PES1: variants seen among roughly 807,000 people sequenced by gnomAD.
PES1 encodes the protein pescadillo ribosomal biogenesis factor 1, also known as pescadillo homolog.
A neutral mutation model predicts 77.1 loss-of-function variants in PES1; 31 were observed. The observed-to-expected ratio is 0.40, with a 90% CI of 0.30 to 0.54. The LOEUF (loss-of-function observed/expected upper bound fraction) is 0.54. Ranked by LOEUF, PES1 falls within the 20% of genes least tolerant of loss-of-function variation. PES1 has a pLI of 0.45. For synonymous variants in PES1, 282 were observed against 303.0 expected (o/e 0.93, Z 0.72); for missense variants, 658 against 771.7 (o/e 0.85, Z 1.75).
intron 4 of PES1, chr22:30,585,075 C>T (rs1341492628): frequency 5.2e-6 from 2 of 384,084 alleles, no homozygotes; most frequent in Admixed American, 3.6e-5. Flanking sequence ...AGTGCACAGA[C>T]ACTCTACAGG....
intron 6 of PES1, 37 bp downstream of exon 6, chr22:30,584,328 C>G: frequency 4.8e-6 from 7 of 1,464,320 alleles, no homozygotes; most frequent in Non-Finnish European, 6.6e-6. Context: ...GTCTAGGAGG[C>G]AGCACAAGCC....
upstream of PES1, among the ~76,000 whole-genome samples, chr22:30,594,257 C>T (rs1176024597): frequency 3.9e-5 from 6 of 152,202 alleles, no homozygotes; most frequent in African/African-American, 7.2e-5. Context: ...TGGTGACACA[C>T]GCCTGTAATC....
At chr22:30,604,235 A>C (rs1290449077) in intron 2 of PES1, 1 of 152,256 alleles carries the variant, frequency 6.6e-6, no homozygotes, top group Non-Finnish European at 1.5e-5. Context: ...GATATCAAAC[A>C]GCAAATTTCT....
intron 2 of PES1, among the ~76,000 whole-genome samples, chr22:30,600,320 C>T (rs2146495685): frequency 6.6e-6 from 1 of 152,292 alleles, no homozygotes; most frequent in East Asian, 1.9e-4. Context: ...AGCCTCTCGG[C>T]TCCTTCAGAC....
At chr22:30,598,835 A>G (rs1253701446) in intron 2 of PES1, among the ~76,000 whole-genome samples, 1 of 151,416 alleles carries the variant, frequency 6.6e-6, no homozygotes. Context: ...AAATACTCGT[A>G]AATTAAGAAA....
At chr22:30,583,224 AG>A (rs2087013812) in intron 6 of PES1, among the ~76,000 whole-genome samples, 1 of 152,170 alleles carries the variant, frequency 6.6e-6, no homozygotes, top group African/African-American at 2.4e-5. Context: ...CACGTGCCCC[AG>A]GGGGAGAGGG....
chr22:30,581,684 G>A (rs2086991188), intron 6 of PES1, 40 bp from the exon 7 acceptor site: 1 of 1,396,796 alleles, frequency 7.2e-7, no homozygotes, highest in Non-Finnish European at 1.0e-6. Flanking sequence ...GTGGGTGCAG[G>A]GATGGGGGCA....
chr22:30,598,885 ATTTTTTTTT>A lies in PES1; in HGVS notation c.-660-6496_-660-6488del, dbSNP rs71200084. ...TTCAAGTTTATGTGACTTAAGTAAAATTTTTTTTTTTTTTTTTTTTTTTTTTTTTGAGAT... is the reference window on the plus strand; with the variant it reads ...TTCAAGTTTATGTGACTTAAGTAAAATTTTTTTTTTTTTTTTTTTTGAGAT... On this transcript the variant is annotated intron_variant, in intron 2 of 16. Transcript: ENST00000402281. Among the ~76,000 whole-genome samples, 209 of 51,216 alleles carry A rather than the reference ATTTTTTTTT, an allele frequency of 4.1e-3. 6 individuals carry two copies. The Middle Eastern group carries it at 0.091, about 22-fold the overall frequency. The allele number at this position is 51,216 out of a possible 152,430, so 33.6% of individuals were successfully genotyped here. A position where few individuals can be genotyped will look rare whatever the true frequency, so the allele number is the denominator to read the frequency against.
At chr22:30,602,523 C>CT (rs2087372363) in intron 2 of PES1, among the ~76,000 whole-genome samples, 2 of 150,910 alleles carry the variant, frequency 1.3e-5, no homozygotes, top group Admixed American at 6.6e-5. Flanking sequence ...TGTCCGGCCT[C>CT]TTTTTTCTTT....
intron 2 of PES1, among the ~76,000 whole-genome samples, chr22:30,597,516 TTATGTC>T (rs1371791438): frequency 6.6e-6 from 1 of 150,554 alleles, no homozygotes; most frequent in Non-Finnish European, 1.5e-5. Context: ...TGGAGAACAT[TTATGTC>T]TAGCTAAGGG....
At chr22:30,590,649 G>A (rs1003063025) in intron 1 of PES1, among the ~76,000 whole-genome samples, 2 of 152,152 alleles carry the variant, frequency 1.3e-5, no homozygotes, top group Admixed American at 6.5e-5. Flanking sequence ...AGTTCTCAAT[G>A]GGGTACTCCC....
At chr22:30,598,040 C>G (rs564987419) in intron 2 of PES1, among the ~76,000 whole-genome samples, 53 of 152,048 alleles carry the variant, frequency 3.5e-4, no homozygotes, top group Non-Finnish European at 4.0e-4. Context: ...CCCGCCACTA[C>G]GCCCGGCTAG....
upstream of PES1, among the ~76,000 whole-genome samples, chr22:30,596,668 C>T (rs2087256468): frequency 1.3e-5 from 2 of 152,226 alleles, no homozygotes; most frequent in Admixed American, 6.5e-5. Context: ...AAACCGATGA[C>T]TCTGTAGTAC....
intron 1 of PES1, among the ~76,000 whole-genome samples, chr22:30,606,142 T>A (rs940791909): frequency 6.6e-6 from 1 of 152,230 alleles, no homozygotes; most frequent in African/African-American, 2.4e-5. Flanking sequence ...CTTCCCTGTT[T>A]GCAGAGATTT....
upstream of PES1, among the ~76,000 whole-genome samples, chr22:30,592,737 C>T (rs2087202072): frequency 6.6e-6 from 1 of 152,338 alleles, no homozygotes; most frequent in Admixed American, 6.5e-5. Context: ...GCAGAGGTTG[C>T]AGTGAGCCGA....
intron 4 of PES1, among the ~76,000 whole-genome samples, chr22:30,586,588 C>T (rs2087094434): frequency 6.6e-6 from 1 of 152,162 alleles, no homozygotes; most frequent in African/African-American, 2.4e-5. Flanking sequence ...AATAGCACGT[C>T]CATCCAAGTC....
rs957403901 is a variant in PES1 at position 30,601,319 on chromosome 22, A to AT, written c.-661+4141dup. 3.0e-3 allele frequency among the ~76,000 whole-genome samples: 437 copies of AT among 146,720 alleles called. 6 individuals are homozygous for AT. Among genetic ancestry groups the AT allele is most frequent in the African/African-American group, 6.5e-3 (260 of 40,286 alleles). ...TTTTTGCCAACGATTATTTGATCTA[A>AT]TTTTTTTTTTTTTAAGATGGAGTCT... On this transcript the variant is annotated intron_variant, in intron 2 of 16. Transcript: ENST00000402281.
chr22:30,592,069 CA>C (rs1215827378), upstream of PES1: 1 of 1,351,294 alleles, frequency 7.4e-7, no homozygotes, highest in Non-Finnish European at 9.5e-7. Context: ...TTCCCGCTCA[CA>C]ATGGTTACAA....
Position 30,581,014 on chromosome 22 carries a change from C to A in PES1, c.910G>T (p.Gly304Trp). 6.2e-7 allele frequency: 1 copy of A among 1,612,118 alleles called. No homozygotes were observed. The highest frequency in any genetic ancestry group is 8.5e-7 in the Non-Finnish European group (1 of 1,179,112). The change falls in exon 9 of 15, where the codon GGG becomes TGG. Residue 304 changes from glycine (G) to tryptophan (W), a missense_variant and splice_region_variant. By Grantham distance (184) the Gly-to-Trp change is radical. Transcript: ENST00000354694. Reference protein sequence around the residue: ...EAEVDEFPTDGEMSAQEEDRR... With the variant: ...EAEVDEFPTDWEMSAQEEDRR... ...CCAGAAGGCAGTGCAGTGCTCACCC[C>A]ATCGGTGGGAAACTCATCCACCTCG...
Sources: gnomAD v4.1 joint callset for allele counts (sites outside exome capture counted in the v4.1 genomes callset) on GRCh38, gnomAD v4.1.1 for gene constraint, MANE v1.5 for transcripts, NCBI Gene and HGNC (gene_info 2026-07-23, HGNC 2026-07-21) for gene names.